The following DNAAF4 variants were observed in gnomAD, a reference collection of about 807,000 sequenced individuals.
The protein encoded by DNAAF4 is dynein assembly factor 4, axonemal.
DNAAF4 carries 43 observed loss-of-function variants against 51.8 expected under a neutral mutation model. The observed-to-expected ratio is 0.83, with a 90% CI of 0.65 to 1.07. The LOEUF is 1.07. Among genes scored for constraint, DNAAF4 ranks in the 50% least tolerant of loss-of-function variants. The pLI is 0.00. For missense variants in DNAAF4, 581 were observed against 493.0 expected (o/e 1.18, Z -1.69); for synonymous variants, 194 against 165.6 (o/e 1.17, Z -1.32).
chr15:55,442,932 G>A, intron 6 of DNAAF4: 1 of 1,610,880 alleles, frequency 6.2e-7, no homozygotes, highest in Non-Finnish European at 8.5e-7. Context: ...CTAGGTAAGG[G>A]ACTCCTTGAA....
chr15:55,472,793 T>G (rs1171371381), intron 4 of DNAAF4, among the ~76,000 whole-genome samples: 1 of 152,132 alleles, frequency 6.6e-6, no homozygotes, highest in Non-Finnish European at 1.5e-5. Flanking sequence ...TAATCTAGAA[T>G]GAATGTCTGG....
At chr15:55,424,064 T>G (rs1339085902) in intron 7 of DNAAF4, among the ~76,000 whole-genome samples, 1 of 152,054 alleles carries the variant, frequency 6.6e-6, no homozygotes, top group Non-Finnish European at 1.5e-5. Context: ...CACTCTAGCC[T>G]GGGTGACAAA....
At chr15:55,466,275 G>A (rs1035756292) in intron 5 of DNAAF4, among the ~76,000 whole-genome samples, 1 of 151,992 alleles carries the variant, frequency 6.6e-6, no homozygotes, top group Non-Finnish European at 1.5e-5. Context: ...ATACAAAAAA[G>A]CATTAGCTGG....
At chr15:55,502,748 A>T (rs1441698398) in intron 1 of DNAAF4, among the ~76,000 whole-genome samples, 1 of 152,262 alleles carries the variant, frequency 6.6e-6, no homozygotes, top group Non-Finnish European at 1.5e-5. Context: ...ACAACGTACC[A>T]GAATCTCTGG....
chr15:55,505,256 C>T (rs9744860), intron 1 of DNAAF4, among the ~76,000 whole-genome samples: 6,040 of 152,116 alleles, frequency 0.04, 399 homozygotes, highest in African/African-American at 0.14. Context: ...ATCATTAAAA[C>T]GTCAAGAAAC....
intron 1 of DNAAF4, among the ~76,000 whole-genome samples, chr15:55,501,574 A>G (rs1265606266): frequency 6.8e-6 from 1 of 147,530 alleles, no homozygotes; most frequent in Non-Finnish European, 1.5e-5. Context: ...ACGGGGTTTC[A>G]CCGTGTTAGC....
At chr15:55,478,202 A>T (rs1398752247) in intron 4 of DNAAF4, among the ~76,000 whole-genome samples, 3 of 152,256 alleles carry the variant, frequency 2.0e-5, no homozygotes, top group Non-Finnish European at 4.4e-5. Context: ...CTTATGCAGG[A>T]AAGCCCTCCA....
In DNAAF4 at chr15:55,447,228, C is replaced by A. The variant is rs1388568784; in HGVS notation, c.783+2994G>T. ...TCACTTCCCAGACGGGGCAGCCGGG[C>A]AGAGGCGCTCCCCACTTCCCAGATG... is the stretch of plus-strand genomic sequence containing the variant. On this transcript the variant is annotated intron_variant, in intron 6 of 9. Coordinates refer to ENST00000321149, the MANE Select transcript of DNAAF4 (RefSeq NM_130810.4). Among the ~76,000 whole-genome samples, 3 of 149,890 alleles carry A rather than the reference C, an allele frequency of 2.0e-5. No homozygotes were observed. In the East Asian group the frequency reaches 6.0e-4, roughly 30 times the overall value.
Position 55,498,418 on chromosome 15 carries a change from C to T in DNAAF4, c.-89G>A. 1 of 1,523,292 alleles carries T rather than the reference C, an allele frequency of 6.6e-7. No individual in the cohort carries two copies. The highest frequency in any genetic ancestry group is 2.2e-5 in the Admixed American group (1 of 46,344). The allele number at this position is 1,523,292 out of a possible 1,614,324, so 94.4% of individuals were successfully genotyped here. A position where few individuals can be genotyped will look rare whatever the true frequency, so the allele number is the denominator to read the frequency against. ...AAGCTGGGGTTACCATGCGCCAGCC[C>T]TTCCGGGTCAGGCCGGCCGGGAGCC... On this transcript the variant is annotated 5_prime_UTR_variant, in exon 2 of 10. Transcript: ENST00000321149.
chr15:55,467,020 G>A lies in DNAAF4; in HGVS notation c.547C>T (p.Gln183Ter), dbSNP rs1236459969. 1.9e-6 allele frequency: 3 copies of A among 1,565,828 alleles called. No homozygotes were observed. Among genetic ancestry groups the A allele is most frequent in the Non-Finnish European group, 8.6e-7 (1 of 1,159,950 alleles). ...TCTTCTTTAATTTGCTTTTCTTTTT[G>A]ACATAATTTCTCTTCTCTCTGAATT... ...KKIQREEKLC[Q>*]KEKQIKEERK... The change falls in exon 5 of 10, where the codon CAA (glutamine) becomes TAA (stop). Residue 183 changes from glutamine (Q) to a stop codon, truncating the protein, a stop_gained. Transcript: ENST00000321149. LOFTEE classifies it high-confidence loss of function.
At chr15:55,436,627 C>T (rs149486508) in intron 7 of DNAAF4, among the ~76,000 whole-genome samples, 1,546 of 152,178 alleles carry the variant, frequency 0.01, 16 homozygotes, top group Non-Finnish European at 0.014. Context: ...TCAGGTAATC[C>T]ACCCACCTTG....
At chr15:55,443,814 T>C (rs1319696123) in intron 6 of DNAAF4, among the ~76,000 whole-genome samples, 2 of 152,248 alleles carry the variant, frequency 1.3e-5, no homozygotes, top group African/African-American at 4.8e-5. Context: ...TGAGCATTTT[T>C]TCATGTATCT....
At chr15:55,435,840 G>C (rs546186245) in intron 7 of DNAAF4, among the ~76,000 whole-genome samples, 2 of 152,282 alleles carry the variant, frequency 1.3e-5, no homozygotes, top group African/African-American at 4.8e-5. Context: ...CCAGGCTGGA[G>C]TGCAATGGTG....
intron 6 of DNAAF4, among the ~76,000 whole-genome samples, chr15:55,440,629 G>A (rs942677310): frequency 4.6e-5 from 7 of 151,610 alleles, no homozygotes; most frequent in African/African-American, 1.7e-4. Flanking sequence ...GCCTCCCAAA[G>A]TGCTGGGATT....
intron 7 of DNAAF4, among the ~76,000 whole-genome samples, chr15:55,424,537 A>G (rs1294429742): frequency 6.6e-6 from 1 of 152,184 alleles, no homozygotes; most frequent in Non-Finnish European, 1.5e-5. Context: ...CTCCTTGACC[A>G]AACTCTAGAT....
chr15:55,476,201 G>A (rs1180835951), intron 4 of DNAAF4, among the ~76,000 whole-genome samples: 32 of 152,076 alleles, frequency 2.1e-4, no homozygotes, highest in Admixed American at 1.5e-3. Context: ...GAGGTGGCTC[G>A]CACCTGCAAT....
chr15:55,487,481 C>G (rs549049902), intron 4 of DNAAF4, among the ~76,000 whole-genome samples: 6 of 152,306 alleles, frequency 3.9e-5, no homozygotes, highest in African/African-American at 1.4e-4. Context: ...CCCCAGCCAG[C>G]AGCGGCAACT....
rs555182504 is a variant in DNAAF4, at chr15:55,466,566, T to C, written c.637+364A>G. On this transcript the variant is annotated intron_variant, in intron 5 of 9. Transcript: ENST00000321149. Reference sequence around the variant, plus strand: ...TGAGGAAAAGGTCTTTTAATGAAATTCCTAGTTTCTTATCTCTAATGGAAT... The same window carrying C: ...TGAGGAAAAGGTCTTTTAATGAAATCCCTAGTTTCTTATCTCTAATGGAAT... Among the ~76,000 whole-genome samples the C allele has an allele frequency of 1.0e-3, 152 of 152,322 alleles. 1 individual carries two copies. The highest frequency in any genetic ancestry group is 1.7e-3 in the South Asian group (8 of 4,830).
At chr15:55,429,521 GA>G (rs771397536), downstream of DNAAF4, among the ~76,000 whole-genome samples, 149 of 89,310 alleles carry the variant, frequency 1.7e-3, 1 homozygote, top group Middle Eastern at 6.3e-3. Context: ...TGTGTCTCAA[GA>G]AAAAAAAAAA....
Sources: allele counts gnomAD v4.1 joint callset (sites outside exome capture counted in the v4.1 genomes callset), GRCh38; gene constraint gnomAD v4.1.1; transcripts MANE v1.5; gene names NCBI Gene and HGNC (gene_info 2026-07-23, HGNC 2026-07-21).